The following CNDP1 variants were observed in gnomAD, a reference collection of about 807,000 sequenced individuals.
CNDP1 encodes the protein carnosine dipeptidase 1, also known as beta-Ala-His dipeptidase.
CNDP1 carries 44 observed loss-of-function variants against 58.1 expected under a neutral mutation model. The observed-to-expected ratio is 0.76, with a 90% confidence interval of 0.60 to 0.97. CNDP1 has a LOEUF of 0.97. Ranked by LOEUF, CNDP1 falls within the 50% of genes least tolerant of loss-of-function variation. The pLI is 0.00. For synonymous variants in CNDP1, 254 were observed against 252.6 expected (o/e 1.01, Z -0.05); for missense variants, 616 against 655.1 (o/e 0.94, Z 0.65).
chr18:74,562,182 G>T, intron 5 of CNDP1, 47 bp downstream of exon 5: 2 of 1,559,826 alleles, frequency 1.3e-6, no homozygotes, highest in South Asian at 1.1e-5. Context: ...GGATGGTAAC[G>T]ACAACTTTCT....
At chr18:74,572,892 G>T (rs1981522286) in intron 7 of CNDP1, among the ~76,000 whole-genome samples, 1 of 150,504 alleles carries the variant, frequency 6.6e-6, no homozygotes, top group Non-Finnish European at 1.5e-5. Flanking sequence ...CAGACAAATT[G>T]CCAGAAAGCA....
chr18:74,586,977 G>A lies in CNDP1; in HGVS notation c.*2415G>A, dbSNP rs1209952282. On this transcript the variant is annotated 3_prime_UTR_variant, in exon 12 of 12. Transcript: ENST00000358821. ...GCACTTGGACAAAAATGATCACCCAGTAAAGTTGGGCGTACATTGTGGCAT... is the reference window on the plus strand; with the variant it reads ...GCACTTGGACAAAAATGATCACCCAATAAAGTTGGGCGTACATTGTGGCAT... 1 of 152,212 alleles carries A rather than the reference G, an allele frequency of 6.6e-6. No homozygotes were observed. Among genetic ancestry groups the A allele is most frequent in the Non-Finnish European group, 1.5e-5 (1 of 68,038 alleles). 9.4% of individuals were successfully genotyped at this position (152,212 alleles called of 1,614,324 possible). A position where few individuals can be genotyped will look rare whatever the true frequency, so the allele number is the denominator to read the frequency against.
rs559539097 is a variant in CNDP1, at chr18:74,566,892, A to C, written c.556-341A>C. Among the ~76,000 whole-genome samples the C allele has an allele frequency of 1.3e-3, 204 of 152,342 alleles. 6 individuals carry two copies. The South Asian group carries it at 0.037, about 27-fold the overall frequency. On this transcript the variant is annotated intron_variant, in intron 5 of 11. Transcript: ENST00000358821. Reference sequence around the variant, plus strand: ...CATGCTGTTGATAAAGACATACCCAAGACTGGGAAGAAAAAGAGGTTTAAT... The same window carrying C: ...CATGCTGTTGATAAAGACATACCCACGACTGGGAAGAAAAAGAGGTTTAAT...
At chr18:74,565,626 A>G (rs1568297245) in intron 5 of CNDP1, among the ~76,000 whole-genome samples, 1 of 152,210 alleles carries the variant, frequency 6.6e-6, no homozygotes, top group Non-Finnish European at 1.5e-5. Context: ...TCTCATGTCC[A>G]GGTTACACTG....
Position 74,562,090 on chromosome 18 carries a change from C to CT in CNDP1, c.512dup (p.Leu171PhefsTer26). 1 of 1,614,152 alleles carries CT rather than the reference C, an allele frequency of 6.2e-7. No homozygotes were observed. ...GAGCGACCGACAACAAAGGCCCTGTCTTGGCTTGGATCAATGCTGTGAGCG... is the reference window on the plus strand; with the variant it reads ...GAGCGACCGACAACAAAGGCCCTGTCTTTGGCTTGGATCAATGCTGTGAGCG... On this transcript the variant is annotated frameshift_variant, in exon 5 of 12. Coordinates refer to ENST00000358821, the MANE Select transcript of CNDP1 (RefSeq NM_032649.6). LOFTEE classifies it high-confidence loss of function.
At chr18:74,552,382 G>A (rs991553658) in intron 1 of CNDP1, among the ~76,000 whole-genome samples, 2 of 152,134 alleles carry the variant, frequency 1.3e-5, no homozygotes, top group Non-Finnish European at 2.9e-5. Flanking sequence ...GCCACAATTG[G>A]TTTTATAACA....
At chr18:74,584,321 C>A (rs1051722555) in intron 11 of CNDP1, 175 bp from the exon 12 acceptor site, 1 of 583,464 alleles carries the variant, frequency 1.7e-6, no homozygotes, top group Non-Finnish European at 3.0e-6. Context: ...AATAATAATG[C>A]AATTTTCACA....
chr18:74,555,092 C>T (rs951461927), intron 1 of CNDP1, among the ~76,000 whole-genome samples: 1 of 152,056 alleles, frequency 6.6e-6, no homozygotes, highest in African/African-American at 2.4e-5. Flanking sequence ...CCTCCACCTA[C>T]GGAAAGGTGG....
At chr18:74,570,024 A>T (rs1432647048) in intron 6 of CNDP1, among the ~76,000 whole-genome samples, 2 of 93,694 alleles carry the variant, frequency 2.1e-5, no homozygotes, top group African/African-American at 6.7e-5. Flanking sequence ...TGTCTTTATG[A>T]AGAAAATACA....
chr18:74,534,778 G>A (rs1417303663), intron 1 of CNDP1, 87 bp downstream of exon 1: 4 of 1,507,898 alleles, frequency 2.7e-6, no homozygotes, highest in East Asian at 2.3e-5. Flanking sequence ...GCCCAGTTGG[G>A]CAGGGCAGGC....
chr18:74,548,855 C>G (rs1980828573), intron 1 of CNDP1, among the ~76,000 whole-genome samples: 1 of 152,208 alleles, frequency 6.6e-6, no homozygotes, highest in South Asian at 2.1e-4. Context: ...TAGCAAAGAG[C>G]TTGGCTGCAT....
chr18:74,584,480 T>A lies in CNDP1; in HGVS notation c.1458-16T>A. 2 of 1,596,862 alleles carry A rather than the reference T, an allele frequency of 1.3e-6. No individual in the cohort carries two copies. The highest frequency in any genetic ancestry group is 1.1e-5 in the South Asian group (1 of 90,434). ...GAAATTGTAACAAAATTTCTCTTTGTTTTTCCTCTTCTTAGGTGGAACTAC... is the reference window on the plus strand; with the variant it reads ...GAAATTGTAACAAAATTTCTCTTTGATTTTCCTCTTCTTAGGTGGAACTAC... On this transcript the variant is annotated splice_polypyrimidine_tract_variant and intron_variant, in intron 11 of 11. Coordinates refer to ENST00000358821, the MANE Select transcript of CNDP1 (RefSeq NM_032649.6).
At chr18:74,567,774 T>C (rs1029197504) in intron 6 of CNDP1, among the ~76,000 whole-genome samples, 1 of 152,326 alleles carries the variant, frequency 6.6e-6, no homozygotes, top group Non-Finnish European at 1.5e-5. Context: ...GCGCGATCAA[T>C]GCAGGGGCAA....
At chr18:74,577,259 G>A in intron 8 of CNDP1, 1 of 353,718 alleles carries the variant, frequency 2.8e-6, no homozygotes, top group Non-Finnish European at 5.1e-6. Context: ...TTAACCACAA[G>A]CAGTTACCCA....
intron 1 of CNDP1, among the ~76,000 whole-genome samples, chr18:74,547,194 A>G (rs1980782746): frequency 6.6e-6 from 1 of 152,238 alleles, no homozygotes; most frequent in Non-Finnish European, 1.5e-5. Flanking sequence ...CTAATAAAAC[A>G]TTCTTTTCTG....
intron 1 of CNDP1, among the ~76,000 whole-genome samples, chr18:74,548,536 A>G (rs1980820893): frequency 6.6e-6 from 1 of 152,202 alleles, no homozygotes; most frequent in African/African-American, 2.4e-5. Context: ...ACTCAGCCTC[A>G]GGTATTCCTT....
chr18:74,554,577 G>C (rs80182836), intron 1 of CNDP1, among the ~76,000 whole-genome samples: 3 of 152,312 alleles, frequency 2.0e-5, no homozygotes, highest in Admixed American at 6.5e-5. Context: ...CTCTATGGGG[G>C]CTTGAGGCCA....
At chr18:74,550,551 T>G (rs1980874282) in intron 1 of CNDP1, among the ~76,000 whole-genome samples, 1 of 151,494 alleles carries the variant, frequency 6.6e-6, no homozygotes, top group Admixed American at 6.6e-5. Flanking sequence ...GAGTGAAGGC[T>G]GGGGGACTAT....
In CNDP1 at chr18:74,578,234, G is replaced by A. The variant is rs570457198; in HGVS notation, c.1074G>A (p.Glu358=). The A allele has an allele frequency of 1.4e-5, 22 of 1,614,016 alleles. No individual in the cohort carries two copies. In the South Asian group the frequency reaches 2.3e-4, roughly 17 times the overall value. ...ATGGGATCGAGGGCGCGTTTGATGAGCCTGGAACTAAAACAGTCATACCTG... is the reference window on the plus strand; with the variant it reads ...ATGGGATCGAGGGCGCGTTTGATGAACCTGGAACTAAAACAGTCATACCTG... ...SIHGIEGAFD[E]PGTKTVIPGR... The change falls in exon 9 of 12, where the codon GAG becomes GAA. Residue 358 remains glutamate, a synonymous_variant. Transcript: ENST00000358821.
Sources: allele counts gnomAD v4.1 joint callset (sites outside exome capture counted in the v4.1 genomes callset), GRCh38; gene constraint gnomAD v4.1.1; transcripts MANE v1.5; gene names NCBI Gene and HGNC (gene_info 2026-07-23, HGNC 2026-07-21).